PLCXD2: variants seen among roughly 807,000 people sequenced by gnomAD.
PLCXD2 encodes the protein PI-PLC X domain-containing protein 2.
A neutral mutation model predicts 28.6 loss-of-function variants in PLCXD2; 21 were observed. The ratio of observed to expected loss-of-function variants is 0.73; its 90% confidence interval spans 0.52 to 1.06. The LOEUF (loss-of-function observed/expected upper bound fraction) is 1.06, where lower values mean the gene tolerates loss of function less well. Among genes scored for constraint, PLCXD2 ranks in the 50% least tolerant of loss-of-function variants. PLCXD2 has a pLI of 0.00. For missense variants in PLCXD2, 369 were observed against 376.7 expected, an observed-to-expected ratio of 0.98 and a Z score of 0.17; for synonymous variants, 140 against 150.1, an observed-to-expected ratio of 0.93 and a Z score of 0.49.
rs117932441 is a variant in PLCXD2 at position 111,694,085 on chromosome 3, A to G, written c.164-13841A>G. Among the ~76,000 whole-genome samples, 105 of 152,350 alleles carry G rather than the reference A, an allele frequency of 6.9e-4. No individual in the cohort carries two copies. The East Asian group carries it at 0.011, about 15-fold the overall frequency. ...TATACTGCAGCTTTGAAAATTTTCT[A>G]TTAGGTTTGCCTCCTTTCCTGAGTC... On this transcript the variant is annotated intron_variant, in intron 1 of 4. Transcript: ENST00000477665.
At chr3:111,691,959 G>A (rs547330709) in intron 1 of PLCXD2, among the ~76,000 whole-genome samples, 1 of 152,234 alleles carries the variant, frequency 6.6e-6, no homozygotes, top group Non-Finnish European at 1.5e-5. Flanking sequence ...TTTCAGGCAA[G>A]AGCCCCCACC....
chr3:111,721,631 A>G (rs1415752108), intron 3 of PLCXD2: 2 of 152,182 alleles, frequency 1.3e-5, no homozygotes, highest in Non-Finnish European at 2.9e-5. Flanking sequence ...AGATCTTTTT[A>G]GCGTGGGGCC....
At chr3:111,703,959 T>A (rs894364626) in intron 1 of PLCXD2, among the ~76,000 whole-genome samples, 3 of 152,254 alleles carry the variant, frequency 2.0e-5, no homozygotes, top group Non-Finnish European at 4.4e-5. Context: ...ATGTTCCAGA[T>A]GCTACATAAA....
intron 3 of PLCXD2, among the ~76,000 whole-genome samples, chr3:111,719,496 C>T (rs1941317595): frequency 6.6e-6 from 1 of 152,124 alleles, no homozygotes; most frequent in Non-Finnish European, 1.5e-5. Context: ...GTCCATCCTG[C>T]CAGTGTAGGA....
chr3:111,720,452 G>T (rs2107875363), intron 3 of PLCXD2, among the ~76,000 whole-genome samples: 1 of 152,238 alleles, frequency 6.6e-6, no homozygotes, highest in Non-Finnish European at 1.5e-5. Flanking sequence ...AGTTTTTCAA[G>T]TTCCTGTTGA....
chr3:111,701,590 TC>T (rs1356137884), intron 1 of PLCXD2, among the ~76,000 whole-genome samples: 2 of 152,208 alleles, frequency 1.3e-5, no homozygotes, highest in African/African-American at 4.8e-5. Context: ...TGTGTCATAA[TC>T]AAAGCTGTAT....
intron 1 of PLCXD2, chr3:111,691,516 G>C (rs1940876273): frequency 6.6e-6 from 1 of 152,188 alleles, no homozygotes; most frequent in African/African-American, 2.4e-5. Context: ...TCCCTATGTA[G>C]AAATTCTTTA....
In PLCXD2 at chr3:111,713,251, T is replaced by C. The variant is rs372458154; in HGVS notation, c.625-636T>C. 2.4e-4 allele frequency among the ~76,000 whole-genome samples: 36 copies of C among 152,294 alleles called. 1 individual carries two copies. Among genetic ancestry groups the C allele is most frequent in the African/African-American group, 7.2e-4 (30 of 41,566 alleles). On this transcript the variant is annotated intron_variant, in intron 2 of 4. Coordinates refer to ENST00000477665, the MANE Select transcript of PLCXD2 (RefSeq NM_001185106.1). Reference sequence around the variant, plus strand: ...GGATATGAGGGTAGAATTTAAGAAGTCTTTAAATTTGGATGGGAAAAAAAA... The same window carrying C: ...GGATATGAGGGTAGAATTTAAGAAGCCTTTAAATTTGGATGGGAAAAAAAA...
chr3:111,702,724 G>C (rs1177701278), intron 1 of PLCXD2, among the ~76,000 whole-genome samples: 2 of 152,192 alleles, frequency 1.3e-5, no homozygotes, highest in Non-Finnish European at 1.5e-5. Context: ...GCAAGGATCA[G>C]TGGTGCAGGG....
At chr3:111,679,795 G>A (rs1036411084) in intron 1 of PLCXD2, among the ~76,000 whole-genome samples, 2 of 152,200 alleles carry the variant, frequency 1.3e-5, no homozygotes, top group Non-Finnish European at 2.9e-5. Flanking sequence ...CAGAAGCAGA[G>A]CCCTGGTGTA....
intron 1 of PLCXD2, among the ~76,000 whole-genome samples, chr3:111,682,596 G>A (rs1242444210): frequency 6.6e-6 from 1 of 152,148 alleles, no homozygotes; most frequent in Non-Finnish European, 1.5e-5. Context: ...CTGCAGTAGT[G>A]GTGGAACTGA....
intron 1 of PLCXD2, among the ~76,000 whole-genome samples, chr3:111,684,943 C>T (rs534747888): frequency 6.6e-6 from 1 of 152,172 alleles, no homozygotes; most frequent in Non-Finnish European, 1.5e-5. Flanking sequence ...AGAGAAGGTG[C>T]AAGGGGCTTG....
chr3:111,711,627 T>C (rs1941201177), intron 2 of PLCXD2, among the ~76,000 whole-genome samples: 2 of 152,236 alleles, frequency 1.3e-5, no homozygotes, highest in Admixed American at 1.3e-4. Flanking sequence ...AATTACATCA[T>C]AGCCATAGGT....
intron 3 of PLCXD2, among the ~76,000 whole-genome samples, chr3:111,716,314 TAAC>T (rs1941266720): frequency 6.6e-6 from 1 of 152,178 alleles, no homozygotes. Context: ...GGGTCTGTCC[TAAC>T]AACTGGTCGC....
chr3:111,705,068 C>T (rs1300068261), intron 1 of PLCXD2, among the ~76,000 whole-genome samples: 7 of 152,104 alleles, frequency 4.6e-5, no homozygotes, highest in East Asian at 1.9e-4. Context: ...CTGCCCGCCT[C>T]GGCCTCCCAA....
At chr3:111,707,183 G>A (rs181872012) in intron 1 of PLCXD2, among the ~76,000 whole-genome samples, 64 of 152,266 alleles carry the variant, frequency 4.2e-4, no homozygotes, top group African/African-American at 1.4e-3. Context: ...ATTGAGGTAC[G>A]AATTCAAAAA....
At chr3:111,708,852 T>C (rs762345467) in intron 2 of PLCXD2, among the ~76,000 whole-genome samples, 1 of 152,166 alleles carries the variant, frequency 6.6e-6, no homozygotes, top group Admixed American at 6.5e-5. Context: ...AGTGTTAATA[T>C]TATAAAAGTA....
At chr3:111,702,423 T>G (rs925746355) in intron 1 of PLCXD2, among the ~76,000 whole-genome samples, 2 of 152,112 alleles carry the variant, frequency 1.3e-5, no homozygotes, top group African/African-American at 2.4e-5. Flanking sequence ...AAGAATTTGA[T>G]AGCAAGGAGG....
At chr3:111,679,037 T>TTA (rs1336632274) in intron 1 of PLCXD2, among the ~76,000 whole-genome samples, 4 of 152,034 alleles carry the variant, frequency 2.6e-5, no homozygotes, top group South Asian at 2.1e-4. Context: ...ATAGAGATAT[T>TTA]TATATATATA....
Sources: allele counts gnomAD v4.1 joint callset (sites outside exome capture counted in the v4.1 genomes callset), GRCh38; gene constraint gnomAD v4.1.1; transcripts MANE v1.5; gene names NCBI Gene and HGNC (gene_info 2026-07-23, HGNC 2026-07-21).